The following SOX5 variants were observed in gnomAD, a reference collection of about 807,000 sequenced individuals.
The protein encoded by SOX5 is transcription factor SOX-5.
Under a neutral mutation model 92.0 loss-of-function variants are expected in SOX5, and 9 were observed. The observed-to-expected ratio is 0.10, with a 90% confidence interval of 0.06 to 0.17. The LOEUF (loss-of-function observed/expected upper bound fraction) is 0.17, where lower values mean the gene tolerates loss of function less well. Ranked by LOEUF, SOX5 falls within the 10% of genes least tolerant of loss-of-function variation. The pLI is 1.00. For missense variants in SOX5, 642 were observed against 944.5 expected (o/e 0.68, Z 4.20); for synonymous variants, 344 against 336.3 (o/e 1.02, Z -0.25).
intron 1 of SOX5, among the ~76,000 whole-genome samples, chr12:24,390,238 C>G (rs992240954): frequency 3.3e-4 from 50 of 152,158 alleles, no homozygotes; most frequent in African/African-American, 1.2e-3. Flanking sequence ...GTGAATTGAC[C>G]AGGATACATT....
intron 7 of SOX5, among the ~76,000 whole-genome samples, chr12:23,641,244 A>G (rs1290031506): frequency 3.3e-5 from 5 of 152,158 alleles, no homozygotes; most frequent in Admixed American, 6.5e-5. Flanking sequence ...GTAACTCCTC[A>G]GCAAATTTAC....
At chr12:23,952,007 A>G (rs1414787939), upstream of SOX5, among the ~76,000 whole-genome samples, 1 of 152,170 alleles carries the variant, frequency 6.6e-6, no homozygotes, top group Non-Finnish European at 1.5e-5. Flanking sequence ...GTATACAAAA[A>G]TTATATTTTT....
chr12:23,590,134 C>CTGG (rs1476240451), intron 9 of SOX5, among the ~76,000 whole-genome samples: 1 of 151,708 alleles, frequency 6.6e-6, no homozygotes, highest in Non-Finnish European at 1.5e-5. Context: ...GCAGAAGCAA[C>CTGG]CCAGAGAGGT....
chr12:23,598,387 C>CTT lies in SOX5; in HGVS notation c.1164+5998_1164+5999dup, dbSNP rs201719026. Among the ~76,000 whole-genome samples the CTT allele has an allele frequency of 3.4e-3, 327 of 95,132 alleles. 32 individuals are homozygous for CTT. Among genetic ancestry groups the CTT allele is most frequent in the Non-Finnish European group, 5.0e-3 (248 of 49,838 alleles). The allele number at this position is 95,132 out of a possible 152,430, so 62.4% of individuals were successfully genotyped here. A position where few individuals can be genotyped will look rare whatever the true frequency, so the allele number is the denominator to read the frequency against. On this transcript the variant is annotated intron_variant, in intron 9 of 14. Coordinates refer to ENST00000451604, the MANE Select transcript of SOX5 (RefSeq NM_006940.6). ...GTCTCTTTGTTGTCTTGTGCTTTAT[C>CTT]TTTTTTTTTTTTTTTTTTTTTTTTT...
At chr12:24,184,574 C>T (rs1955836845) in intron 4 of SOX5, among the ~76,000 whole-genome samples, 2 of 151,880 alleles carry the variant, frequency 1.3e-5, no homozygotes, top group African/African-American at 4.8e-5. Context: ...GGACAGACAC[C>T]CTAAATAACA....
chr12:23,830,244 C>T (rs1038901233), intron 3 of SOX5, among the ~76,000 whole-genome samples: 1 of 152,114 alleles, frequency 6.6e-6, no homozygotes, highest in African/African-American at 2.4e-5. Context: ...TTGTCCTGAC[C>T]TTTAAAAAAT....
At chr12:24,377,844 G>C (rs1378262128) in intron 1 of SOX5, among the ~76,000 whole-genome samples, 8 of 152,192 alleles carry the variant, frequency 5.3e-5, no homozygotes, top group Non-Finnish European at 8.8e-5. Context: ...AGCCCCTAAT[G>C]AGTGCTGGTC....
At chr12:24,425,373 A>G (rs1966605905) in intron 1 of SOX5, among the ~76,000 whole-genome samples, 1 of 152,212 alleles carries the variant, frequency 6.6e-6, no homozygotes, top group Non-Finnish European at 1.5e-5. Flanking sequence ...GGCATTTTCT[A>G]AATGACCTAA....
Position 23,604,456 on chromosome 12 carries a change from A to G in SOX5, c.1095T>C (p.Leu365=). Residue 365 remains leucine, a synonymous_variant, in exon 9 of 15, where the codon CTT becomes CTC. Transcript: ENST00000451604. ...TGCTGGTAGGAGATACAGCAGCACC[A>G]AGGTTGCCTTGGGGTATGCCTGGCA... ...GKLPGIPQGN[L]GAAVSPTSIH... The G allele has an allele frequency of 6.2e-7, 1 of 1,613,906 alleles. No homozygotes were observed. Among genetic ancestry groups the G allele is most frequent in the Non-Finnish European group, 8.5e-7 (1 of 1,179,838 alleles).
intron 4 of SOX5, among the ~76,000 whole-genome samples, chr12:24,100,229 T>C (rs1296074468): frequency 1.3e-5 from 2 of 152,110 alleles, no homozygotes; most frequent in African/African-American, 4.8e-5. Context: ...TCTCCCACTA[T>C]TTTTTAGGCT....
At chr12:24,549,916 A>G (rs1049691927) in intron 1 of SOX5, among the ~76,000 whole-genome samples, 3 of 152,168 alleles carry the variant, frequency 2.0e-5, no homozygotes, top group African/African-American at 7.2e-5. Flanking sequence ...GGAACTTGCA[A>G]TGATTCAGGG....
chr12:23,562,988 A>G (rs1004277656), intron 11 of SOX5, among the ~76,000 whole-genome samples: 1 of 152,216 alleles, frequency 6.6e-6, no homozygotes, highest in Non-Finnish European at 1.5e-5. Flanking sequence ...AGATATTTCA[A>G]ATGCCATTTT....
At chr12:23,543,516 T>A in intron 12 of SOX5, 132 bp from the exon 13 acceptor site, 1 of 597,092 alleles carries the variant, frequency 1.7e-6, no homozygotes, top group Non-Finnish European at 2.9e-6. Flanking sequence ...TTCCAGTTCT[T>A]AAGACAGATG....
chr12:23,999,162 GTGTGTGTGTGTGTGTA>G (rs1264044726), intron 4 of SOX5, among the ~76,000 whole-genome samples: 69 of 151,052 alleles, frequency 4.6e-4, no homozygotes, highest in Middle Eastern at 6.8e-3. Flanking sequence ...GTGTGTGTGT[GTGTGTGTGTGTGTGTA>G]CCATTGCTTC....
intron 2 of SOX5, among the ~76,000 whole-genome samples, chr12:23,893,597 T>C (rs570664612): frequency 6.6e-6 from 1 of 152,346 alleles, no homozygotes; most frequent in East Asian, 1.9e-4. Context: ...ATCTTTCTGG[T>C]ATTCTTCTAG....
chr12:23,644,570 G>A (rs2080579412), intron 7 of SOX5, among the ~76,000 whole-genome samples: 1 of 152,180 alleles, frequency 6.6e-6, no homozygotes, highest in South Asian at 2.1e-4. Flanking sequence ...GCTAGTGAAA[G>A]TTGTGTGATC....
At chr12:24,389,940 A>C (rs964283446) in intron 1 of SOX5, among the ~76,000 whole-genome samples, 1 of 151,998 alleles carries the variant, frequency 6.6e-6, no homozygotes, top group Non-Finnish European at 1.5e-5. Context: ...TATCTTACTG[A>C]GGTCTTGGTT....
chr12:24,437,513 C>A (rs938698560), intron 1 of SOX5, among the ~76,000 whole-genome samples: 16 of 152,138 alleles, frequency 1.1e-4, no homozygotes, highest in Non-Finnish European at 1.9e-4. Flanking sequence ...GCAAAAGAAA[C>A]TATCATCAGA....
At chr12:23,802,573 A>G (rs1450599443) in intron 3 of SOX5, among the ~76,000 whole-genome samples, 2 of 152,136 alleles carry the variant, frequency 1.3e-5, no homozygotes, top group East Asian at 3.8e-4. Flanking sequence ...TATGGAAATC[A>G]GCATAGCTTG....
Sources: allele counts gnomAD v4.1 joint callset (sites outside exome capture counted in the v4.1 genomes callset), GRCh38; gene constraint gnomAD v4.1.1; transcripts MANE v1.5; gene names NCBI Gene and HGNC (gene_info 2026-07-23, HGNC 2026-07-21).